The following ADGRL2 variants were observed in gnomAD, a reference collection of about 807,000 sequenced individuals.
ADGRL2 encodes the protein adhesion G protein-coupled receptor L2.
In ADGRL2, 44 loss-of-function variants were observed where a neutral mutation model predicts 157.4. The observed-to-expected ratio is 0.28, with a 90% CI of 0.22 to 0.36. ADGRL2 has a LOEUF of 0.36. ADGRL2 is among the 10% of genes least tolerant of loss of function. ADGRL2 has a pLI of 1.00. For missense variants in ADGRL2, 1,510 were observed against 1,768.9 expected, an observed-to-expected ratio of 0.85 and a Z score of 2.63; for synonymous variants, 585 against 624.7, an observed-to-expected ratio of 0.94 and a Z score of 0.95.
Position 81,900,979 on chromosome 1 carries a change from GT to G in ADGRL2, c.74-6037del, listed in dbSNP as rs1572007939. On this transcript the variant is annotated intron_variant, in intron 2 of 23. Coordinates refer to ENST00000686636, the MANE Select transcript of ADGRL2 (RefSeq NM_001366006.2). ...GCAAAGGTATAAGCAGCCACACACT[GT>G]GAGGGCAGAGATTCTGCATATTAAA... 3.9e-5 allele frequency among the ~76,000 whole-genome samples: 6 copies of G among 152,254 alleles called. No individual in the cohort carries two copies. In the East Asian group the frequency reaches 1.2e-3, roughly 29 times the overall value.
intron 3 of ADGRL2, among the ~76,000 whole-genome samples, chr1:81,675,706 C>T (rs530981166): frequency 6.6e-6 from 1 of 151,916 alleles, no homozygotes; most frequent in South Asian, 2.1e-4. Flanking sequence ...CTCAGCCTCC[C>T]GAGTAGCTGG....
intron 3 of ADGRL2, among the ~76,000 whole-genome samples, chr1:81,623,782 G>A (rs12048474): frequency 0.4 from 59,905 of 151,436 alleles, 12,384 homozygotes; most frequent in African/African-American, 0.51. Context: ...GATTACAGGC[G>A]TGCGCCACCA....
chr1:81,462,213 C>T (rs1387104166), intron 2 of ADGRL2, among the ~76,000 whole-genome samples: 1 of 152,196 alleles, frequency 6.6e-6, no homozygotes, highest in Non-Finnish European at 1.5e-5. Flanking sequence ...GACCAATCAG[C>T]ACTCTGTAAA....
chr1:81,691,242 C>T (rs1190123429), intron 3 of ADGRL2, among the ~76,000 whole-genome samples: 1 of 151,794 alleles, frequency 6.6e-6, no homozygotes, highest in African/African-American at 2.4e-5. Flanking sequence ...GCAACTTCAT[C>T]TGGGGAGTCC....
At chr1:81,482,399 TAAAA>T (rs144358523) in intron 2 of ADGRL2, among the ~76,000 whole-genome samples, 3 of 152,038 alleles carry the variant, frequency 2.0e-5, no homozygotes, top group African/African-American at 7.2e-5. Flanking sequence ...TAGAACAACT[TAAAA>T]AAAATTATCT....
In ADGRL2 at chr1:81,987,588, G is replaced by C. The variant is rs544032602; in HGVS notation, c.3638-281G>C. On this transcript the variant is annotated intron_variant, in intron 22 of 23. Coordinates refer to ENST00000686636, the MANE Select transcript of ADGRL2 (RefSeq NM_001366006.2). ...CCTATAGTTTTTAATTGGGGGAGGGGGAAAGATTGTCACTAACCCATCCAT... is the reference window on the plus strand; with the variant it reads ...CCTATAGTTTTTAATTGGGGGAGGGCGAAAGATTGTCACTAACCCATCCAT... 2.0e-5 allele frequency among the ~76,000 whole-genome samples: 3 copies of C among 151,462 alleles called. No individual in the cohort carries two copies. In the South Asian group the frequency reaches 6.3e-4, roughly 32 times the overall value.
chr1:81,374,771 A>G (rs2076220859), intron 1 of ADGRL2, among the ~76,000 whole-genome samples: 1 of 152,200 alleles, frequency 6.6e-6, no homozygotes, highest in African/African-American at 2.4e-5. Flanking sequence ...CCTCGGAACA[A>G]TTTAGGATCC....
intron 3 of ADGRL2, among the ~76,000 whole-genome samples, chr1:81,678,401 G>A (rs2083039814): frequency 6.6e-6 from 1 of 152,160 alleles, no homozygotes; most frequent in Non-Finnish European, 1.5e-5. Flanking sequence ...AAAAGAAACA[G>A]AATTTGGATA....
intron 1 of ADGRL2, among the ~76,000 whole-genome samples, chr1:81,830,502 A>G (rs1184688081): frequency 6.6e-6 from 1 of 152,050 alleles, no homozygotes; most frequent in Non-Finnish European, 1.5e-5. Flanking sequence ...TTTCACATAT[A>G]TCTATATTTT....
At chr1:81,848,148 A>T (rs1431037586) in intron 2 of ADGRL2, among the ~76,000 whole-genome samples, 1 of 151,728 alleles carries the variant, frequency 6.6e-6, no homozygotes, top group Non-Finnish European at 1.5e-5. Flanking sequence ...TACTGATATG[A>T]TTTGTTTTAA....
chr1:81,592,707 G>A (rs2081155804), intron 3 of ADGRL2, among the ~76,000 whole-genome samples: 1 of 152,150 alleles, frequency 6.6e-6, no homozygotes, highest in South Asian at 2.1e-4. Flanking sequence ...TGAAAACTGT[G>A]AGAGCTTGGT....
At chr1:81,874,846 T>G (rs941470265) in intron 2 of ADGRL2, among the ~76,000 whole-genome samples, 12 of 151,872 alleles carry the variant, frequency 7.9e-5, no homozygotes, top group Admixed American at 1.3e-4. Context: ...GCTGTGATTA[T>G]AGGCACACAC....
intron 1 of ADGRL2, among the ~76,000 whole-genome samples, chr1:81,819,278 A>G (rs1426028573): frequency 6.6e-6 from 1 of 152,070 alleles, no homozygotes; most frequent in East Asian, 1.9e-4. Context: ...TGCGAGGTAA[A>G]GGAGGAGCAA....
At chr1:81,925,528 A>C (rs1420058981) in intron 3 of ADGRL2, among the ~76,000 whole-genome samples, 1 of 151,242 alleles carries the variant, frequency 6.6e-6, no homozygotes, top group Non-Finnish European at 1.5e-5. Flanking sequence ...GTTTTGTGTA[A>C]TGAATAGCAG....
intron 2 of ADGRL2, among the ~76,000 whole-genome samples, chr1:81,527,300 C>T (rs1014434130): frequency 2.0e-5 from 3 of 152,114 alleles, no homozygotes; most frequent in South Asian, 2.1e-4. Context: ...GTTTAACCCC[C>T]CAAAATTCAT....
chr1:81,845,683 A>ATT (rs61432254), intron 2 of ADGRL2, among the ~76,000 whole-genome samples: 4 of 144,536 alleles, frequency 2.8e-5, no homozygotes, highest in African/African-American at 1.0e-4. Context: ...TACTTTTCTT[A>ATT]TTTTTTTTTT....
intron 1 of ADGRL2, among the ~76,000 whole-genome samples, chr1:81,717,025 A>C (rs1295580609): frequency 6.6e-6 from 1 of 152,350 alleles, no homozygotes; most frequent in Admixed American, 6.5e-5. Flanking sequence ...AACAATCACT[A>C]AAATCCTGCA....
Position 81,480,299 on chromosome 1 carries a change from C to G in ADGRL2, c.-248+35210C>G, listed in dbSNP as rs544031246. Among the ~76,000 whole-genome samples the G allele has an allele frequency of 2.6e-4, 38 of 148,580 alleles. No individual in the cohort carries two copies. In the South Asian group the frequency reaches 7.8e-3, roughly 30 times the overall value. On this transcript the variant is annotated intron_variant, in intron 2 of 24. Coordinates refer to the ADGRL2 transcript ENST00000370721. ...TGAACTCATATGACTATTACTACAG[C>G]TAGATAAGGTAAAAAGTCAAGTATT...
Position 81,735,835 on chromosome 1 carries a change from T to A in ADGRL2, c.-142-25976T>A, listed in dbSNP as rs2084879387. On this transcript the variant is annotated intron_variant, in intron 1 of 20. Coordinates refer to the ADGRL2 transcript ENST00000359929. ...AAACTTCTCTGGTAGCCACAAATAA[T>A]AAATGTCAAGCTAAGAGTCAAACTG... 2.0e-5 allele frequency among the ~76,000 whole-genome samples: 3 copies of A among 147,436 alleles called. No homozygotes were observed. The South Asian group carries it at 6.5e-4, about 32-fold the overall frequency.
Sources: allele counts gnomAD v4.1 joint callset (sites outside exome capture counted in the v4.1 genomes callset), GRCh38; gene constraint gnomAD v4.1.1; transcripts MANE v1.5; gene names NCBI Gene and HGNC (gene_info 2026-07-23, HGNC 2026-07-21).